The following FBXO34 variants were observed in gnomAD, a reference collection of about 807,000 sequenced individuals.
FBXO34 encodes F-box only protein 34.
In FBXO34, 12 loss-of-function variants were observed where a neutral mutation model predicts 24.5. The ratio of observed to expected loss-of-function variants is 0.49; its 90% CI spans 0.31 to 0.79. The LOEUF (loss-of-function observed/expected upper bound fraction) is 0.79, where lower values mean the gene tolerates loss of function less well. FBXO34 is among the 30% of genes least tolerant of loss of function. FBXO34 has a pLI of 0.04. For missense variants in FBXO34, 823 were observed against 857.7 expected (o/e 0.96, Z 0.51); for synonymous variants, 320 against 311.9 (o/e 1.03, Z -0.27).
intron 1 of FBXO34, among the ~76,000 whole-genome samples, chr14:55,348,661 G>T (rs1028560409): frequency 2.0e-5 from 3 of 152,180 alleles, no homozygotes; most frequent in Non-Finnish European, 4.4e-5. Context: ...GAGCCACCAT[G>T]CCTGGCTCCT....
chr14:55,394,420 TA>T, the FBXO34 span, among the ~76,000 whole-genome samples: 1 of 152,218 alleles, frequency 6.6e-6, no homozygotes, highest in African/African-American at 2.4e-5. Context: ...CCATGTATTT[TA>T]ATTCTTTTTT....
intron 1 of FBXO34, among the ~76,000 whole-genome samples, chr14:55,319,227 GCTGTATCTAAAAGAAATAAATAC>G (rs1883042779): frequency 6.6e-6 from 1 of 152,086 alleles, no homozygotes; most frequent in Admixed American, 6.5e-5. Flanking sequence ...GACAATGACA[GCTGTATCTAAAAGAAATAAATAC>G]CTGTTCAAGT....
the FBXO34 span, among the ~76,000 whole-genome samples, chr14:55,430,065 C>G: frequency 3.3e-5 from 5 of 152,122 alleles, no homozygotes; most frequent in Non-Finnish European, 7.4e-5. Context: ...TCCTGCTGCA[C>G]CCCTAAATTC....
At chr14:55,319,863 G>A (rs953665415) in intron 1 of FBXO34, among the ~76,000 whole-genome samples, 1 of 152,034 alleles carries the variant, frequency 6.6e-6, no homozygotes, top group East Asian at 1.9e-4. Flanking sequence ...TTTTAGTAGA[G>A]ACGGGGTTTC....
At chr14:55,411,966 C>T in the FBXO34 span, 6 of 740,066 alleles carry the variant, frequency 8.1e-6, no homozygotes, top group South Asian at 7.5e-5. Flanking sequence ...CTGTCCCGGG[C>T]ACTGTTGTTT....
the FBXO34 span, among the ~76,000 whole-genome samples, chr14:55,425,153 C>T: frequency 6.6e-6 from 1 of 152,184 alleles, no homozygotes; most frequent in Non-Finnish European, 1.5e-5. Context: ...TCCAGAAAGG[C>T]GCATCTTGAA....
At chr14:55,417,484 C>T in the FBXO34 span, among the ~76,000 whole-genome samples, 111 of 148,312 alleles carry the variant, frequency 7.5e-4, 1 homozygote, top group African/African-American at 2.6e-3. Flanking sequence ...AAAAAAGTCT[C>T]GCTCGGTCAC....
chr14:55,275,333 T>C (rs1032389101), intron 1 of FBXO34, among the ~76,000 whole-genome samples: 1 of 152,240 alleles, frequency 6.6e-6, no homozygotes, highest in East Asian at 1.9e-4. Context: ...TAAGTGTGGT[T>C]ATTGCATTAT....
chr14:55,285,199 C>T (rs910326253), intron 1 of FBXO34: 3 of 149,854 alleles, frequency 2.0e-5, no homozygotes, highest in East Asian at 1.9e-4. Flanking sequence ...CATGGAGAAA[C>T]CCTGTCTCTA....
intron 1 of FBXO34, among the ~76,000 whole-genome samples, chr14:55,288,326 A>G (rs1399785483): frequency 2.0e-5 from 3 of 152,318 alleles, no homozygotes; most frequent in East Asian, 1.9e-4. Context: ...TAATCATTAC[A>G]TAGAAATAAG....
chr14:55,378,557 T>C, the FBXO34 span, among the ~76,000 whole-genome samples: 1 of 152,228 alleles, frequency 6.6e-6, no homozygotes, highest in Non-Finnish European at 1.5e-5. Flanking sequence ...CCATTCTTTT[T>C]ACCCACAGCC....
rs367694265 is a variant in FBXO34, at chr14:55,351,599, T to C, written c.1209T>C (p.Tyr403=). 80 of 1,614,058 alleles carry C rather than the reference T, an allele frequency of 5.0e-5. No individual in the cohort carries two copies. Among genetic ancestry groups the C allele is most frequent in the Middle Eastern group, 1.6e-4 (1 of 6,084 alleles). ...CTGCCGTGAAAAACAGCAACAGATA[T>C]GATGTGGAAATGACAGATGAACTCG... is the stretch of plus-strand genomic sequence containing the variant. The part of the protein sequence containing the change: ...SQTAVKNSNR[Y]DVEMTDELVG... Residue 403 remains tyrosine (Y), a synonymous_variant, in exon 2 of 2, where the codon TAT becomes TAC. Coordinates refer to ENST00000313833, the MANE Select transcript of FBXO34 (RefSeq NM_017943.4).
chr14:55,421,075 A>G, the FBXO34 span, among the ~76,000 whole-genome samples: 1 of 151,458 alleles, frequency 6.6e-6, no homozygotes, highest in Non-Finnish European at 1.5e-5. Flanking sequence ...AAAAAAAAAA[A>G]AAAGAAAAAA....
the FBXO34 span, chr14:55,394,859 C>T: frequency 5.9e-6 from 2 of 338,096 alleles, no homozygotes; most frequent in South Asian, 4.9e-5. Flanking sequence ...AAGCTGACAC[C>T]CAAGACAGTA....
intron 1 of FBXO34, among the ~76,000 whole-genome samples, chr14:55,344,847 C>G (rs970196841): frequency 3.9e-5 from 6 of 152,122 alleles, no homozygotes; most frequent in African/African-American, 1.4e-4. Context: ...TTAGTTTGCT[C>G]TCCCCATGGG....
the FBXO34 span, among the ~76,000 whole-genome samples, chr14:55,441,983 A>T: frequency 6.6e-6 from 1 of 150,914 alleles, no homozygotes; most frequent in South Asian, 2.1e-4. Context: ...GGCTGGTCTC[A>T]ATCTCCTGGC....
chr14:55,300,760 T>C (rs1398330668), intron 1 of FBXO34, among the ~76,000 whole-genome samples: 1 of 152,224 alleles, frequency 6.6e-6, no homozygotes, highest in Admixed American at 6.5e-5. Context: ...CATGGTAAAA[T>C]TTAAAACAGT....
the FBXO34 span, among the ~76,000 whole-genome samples, chr14:55,427,571 A>T: frequency 7.9e-5 from 12 of 152,138 alleles, no homozygotes; most frequent in South Asian, 2.1e-4. Flanking sequence ...GGCCAAGAGA[A>T]TTTAAGAGCA....
chr14:55,410,097 C>A, the FBXO34 span, among the ~76,000 whole-genome samples: 1 of 152,002 alleles, frequency 6.6e-6, no homozygotes, highest in African/African-American at 2.4e-5. Context: ...TAGCCTGAAC[C>A]AAAGGAACAA....
Sources: gnomAD v4.1 joint callset for allele counts (sites outside exome capture counted in the v4.1 genomes callset) on GRCh38, gnomAD v4.1.1 for gene constraint, MANE v1.5 for transcripts, NCBI Gene and HGNC (gene_info 2026-07-23, HGNC 2026-07-21) for gene names.